The following CDH12 variants were observed in gnomAD, a reference collection of about 807,000 sequenced individuals.
The protein encoded by CDH12 is cadherin-12.
Under a neutral mutation model 74.1 loss-of-function variants are expected in CDH12, and 41 were observed. The observed-to-expected ratio is 0.55, with a 90% CI of 0.43 to 0.72. The LOEUF (loss-of-function observed/expected upper bound fraction) is 0.72, where lower values mean the gene tolerates loss of function less well. Ranked by LOEUF, CDH12 falls within the 30% of genes least tolerant of loss-of-function variation. The probability of loss-of-function intolerance (pLI) is 0.00; values close to 1 mark genes in which losing one functional copy is unlikely to be tolerated. For synonymous variants in CDH12, 399 were observed against 355.0 expected (o/e 1.12, Z -1.39); for missense variants, 945 against 977.2 (o/e 0.97, Z 0.44).
chr5:22,550,939 T>C (rs536046086), intron 1 of CDH12, among the ~76,000 whole-genome samples: 1 of 152,282 alleles, frequency 6.6e-6, no homozygotes, highest in South Asian at 2.1e-4. Flanking sequence ...TAATTGCACC[T>C]AAGAGTAAAC....
chr5:21,872,898 T>C (rs1378324614), intron 6 of CDH12, among the ~76,000 whole-genome samples: 1 of 151,262 alleles, frequency 6.6e-6, no homozygotes, highest in African/African-American at 2.4e-5. Flanking sequence ...ATCATCCATC[T>C]ATCTATCTAT....
intron 9 of CDH12, among the ~76,000 whole-genome samples, chr5:21,812,627 TGA>T (rs1241905147): frequency 1.3e-5 from 2 of 152,176 alleles, no homozygotes; most frequent in African/African-American, 4.8e-5. Context: ...CTTTATTCAA[TGA>T]GATATTTTCT....
At chr5:21,993,146 G>A (rs1271157185) in intron 5 of CDH12, among the ~76,000 whole-genome samples, 12 of 152,174 alleles carry the variant, frequency 7.9e-5, no homozygotes, top group African/African-American at 2.9e-4. Context: ...ATTGGCGGGG[G>A]GTGGAGGGTG....
At chr5:21,976,259 T>C (rs1350590134) in intron 5 of CDH12, among the ~76,000 whole-genome samples, 2 of 152,076 alleles carry the variant, frequency 1.3e-5, no homozygotes, top group Admixed American at 6.5e-5. Context: ...ATTCAACACA[T>C]GTATGGTACA....
chr5:22,829,828 T>C (rs1319855625), intron 1 of CDH12, among the ~76,000 whole-genome samples: 1 of 152,204 alleles, frequency 6.6e-6, no homozygotes, highest in Non-Finnish European at 1.5e-5. Context: ...CACAGTTAAC[T>C]GGTAGACACA....
chr5:22,319,452 A>C (rs1460806381), intron 3 of CDH12, among the ~76,000 whole-genome samples: 1 of 152,108 alleles, frequency 6.6e-6, no homozygotes, highest in East Asian at 1.9e-4. Context: ...ACAGTACGGA[A>C]ATTTAGGGTT....
intron 1 of CDH12, among the ~76,000 whole-genome samples, chr5:22,769,087 A>T (rs556634024): frequency 2.8e-4 from 42 of 152,244 alleles, no homozygotes; most frequent in African/African-American, 9.9e-4. Flanking sequence ...AGTTTCCCCC[A>T]GTGATGGTTA....
chr5:22,454,346 A>T (rs749325993), intron 2 of CDH12, among the ~76,000 whole-genome samples: 3 of 152,202 alleles, frequency 2.0e-5, no homozygotes, highest in Non-Finnish European at 4.4e-5. Flanking sequence ...GTGTCACTTA[A>T]AATCTTGCAA....
At chr5:22,798,057 G>A (rs371335245) in intron 1 of CDH12, among the ~76,000 whole-genome samples, 4 of 152,122 alleles carry the variant, frequency 2.6e-5, no homozygotes, top group East Asian at 3.9e-4. Flanking sequence ...AAATTTTTTC[G>A]CCTTCCTACT....
chr5:21,919,009 G>A (rs1754233636), intron 6 of CDH12, among the ~76,000 whole-genome samples: 1 of 152,052 alleles, frequency 6.6e-6, no homozygotes, highest in South Asian at 2.1e-4. Context: ...TTGCCTACAA[G>A]TAATGCAAAT....
In CDH12 at chr5:22,309,958, AAC is replaced by A. The variant is rs550952047; in HGVS notation, c.-333+95297_-333+95298del. On this transcript the variant is annotated intron_variant, in intron 3 of 14. Transcript: ENST00000382254. ...AACAATTATCAAGTTTAAAAAAAAA[AAC>A]ATGGACACGGTGGGGGGCATCACAC... Among the ~76,000 whole-genome samples, 544 of 131,754 alleles carry A rather than the reference AAC, an allele frequency of 4.1e-3. 9 individuals carry two copies. Among genetic ancestry groups the A allele is most frequent in the African/African-American group, 0.014 (515 of 35,880 alleles). 86.4% of individuals were successfully genotyped at this position (131,754 alleles called of 152,430 possible).
intron 1 of CDH12, among the ~76,000 whole-genome samples, chr5:22,830,121 G>C (rs1449975096): frequency 6.6e-6 from 1 of 152,064 alleles, no homozygotes; most frequent in African/African-American, 2.4e-5. Flanking sequence ...ATCATCAAAA[G>C]GATGAATAAA....
intron 9 of CDH12, among the ~76,000 whole-genome samples, 176 bp from the exon 10 acceptor site, chr5:21,802,596 T>TTTTTC (rs1747189426): frequency 1.4e-5 from 2 of 143,852 alleles, no homozygotes; most frequent in Admixed American, 7.0e-5. Context: ...TTTTTTTCTT[T>TTTTTC]TTTTTTTTTT....
intron 3 of CDH12, among the ~76,000 whole-genome samples, chr5:22,350,041 C>T (rs1455991840): frequency 1.3e-5 from 2 of 152,172 alleles, no homozygotes; most frequent in East Asian, 1.9e-4. Context: ...TACCTGTAAA[C>T]GTATACATTG....
chr5:22,625,825 T>C (rs1738260034), intron 1 of CDH12, among the ~76,000 whole-genome samples: 1 of 152,156 alleles, frequency 6.6e-6, no homozygotes, highest in African/African-American at 2.4e-5. Flanking sequence ...CAAACTGACC[T>C]TTGTTGACTC....
rs187249338 is a variant in CDH12 at position 21,964,811 on chromosome 5, C to A, written c.526+10280G>T. Among the ~76,000 whole-genome samples the A allele has an allele frequency of 2.4e-3, 361 of 151,974 alleles. 4 individuals are homozygous for A. Among genetic ancestry groups the A allele is most frequent in the African/African-American group, 8.1e-3 (338 of 41,524 alleles). ...GCTGAAACTTATTAGAAAGTGAATT[C>A]TTCATAATCATGTTTGTATTTTCAA... is the stretch of plus-strand genomic sequence containing the variant. On this transcript the variant is annotated intron_variant, in intron 6 of 14. Transcript: ENST00000382254.
At chr5:21,994,456 C>A (rs1259380670) in intron 5 of CDH12, among the ~76,000 whole-genome samples, 1 of 152,140 alleles carries the variant, frequency 6.6e-6, no homozygotes, top group Non-Finnish European at 1.5e-5. Context: ...AAACAATATT[C>A]GGCCTAAGTG....
rs1736805462 is a variant in CDH12 at position 22,279,978 on chromosome 5, T to A, written c.-332-67335A>T. Among the ~76,000 whole-genome samples, 4 of 152,192 alleles carry A rather than the reference T, an allele frequency of 2.6e-5. No homozygotes were observed. The South Asian group carries it at 8.3e-4, about 31-fold the overall frequency. The stretch of plus-strand genomic sequence containing the variant: ...CTATCTTCCACAATGGTTGAACTAG[T>A]TTACAGTCCCACCAACAGTGTAAAA... On this transcript the variant is annotated intron_variant, in intron 3 of 14. Coordinates refer to ENST00000382254, the MANE Select transcript of CDH12 (RefSeq NM_004061.5).
chr5:22,455,117 C>T (rs1745213079), intron 2 of CDH12, among the ~76,000 whole-genome samples: 1 of 152,064 alleles, frequency 6.6e-6, no homozygotes, highest in Non-Finnish European at 1.5e-5. Flanking sequence ...TCTGATGTAT[C>T]TTTTTAAAAG....
Sources: allele counts gnomAD v4.1 joint callset (sites outside exome capture counted in the v4.1 genomes callset), GRCh38; gene constraint gnomAD v4.1.1; transcripts MANE v1.5; gene names NCBI Gene and HGNC (gene_info 2026-07-23, HGNC 2026-07-21).